LRRC4C: variants seen among roughly 807,000 people sequenced by gnomAD.
The protein encoded by LRRC4C is leucine rich repeat containing 4C.
In LRRC4C, 5 loss-of-function variants were observed where a neutral mutation model predicts 33.6. That is an observed-to-expected ratio of 0.15 (90% confidence interval 0.08 to 0.31). The LOEUF is 0.31. Among genes scored for constraint, LRRC4C ranks in the 10% least tolerant of loss-of-function variants. The probability of loss-of-function intolerance (pLI) is 1.00; values close to 1 mark genes in which losing one functional copy is unlikely to be tolerated. For synonymous variants in LRRC4C, 329 were observed against 302.0 expected (o/e 1.09, Z -0.93); for missense variants, 560 against 796.7 (o/e 0.70, Z 3.58).
chr11:40,637,451 CT>C (rs1941822878), intron 3 of LRRC4C, among the ~76,000 whole-genome samples: 1 of 152,160 alleles, frequency 6.6e-6, no homozygotes, highest in African/African-American at 2.4e-5. Context: ...CTTGTTCAAA[CT>C]TTTAATTATC....
intron 2 of LRRC4C, among the ~76,000 whole-genome samples, chr11:40,832,618 C>T (rs1379287581): frequency 3.3e-5 from 5 of 151,978 alleles, no homozygotes; most frequent in Admixed American, 1.3e-4. Context: ...AAATAAAAGC[C>T]GCGGTGGGAA....
At chr11:40,292,998 C>T (rs1242405042) in intron 4 of LRRC4C, 2 of 152,082 alleles carry the variant, frequency 1.3e-5, no homozygotes, top group Non-Finnish European at 2.9e-5. Context: ...GCAACTTCCC[C>T]CCCACTCTCC....
chr11:40,881,823 C>T (rs1420008294), intron 2 of LRRC4C, among the ~76,000 whole-genome samples: 1 of 151,880 alleles, frequency 6.6e-6, no homozygotes, highest in Non-Finnish European at 1.5e-5. Flanking sequence ...TATCTCTATC[C>T]AAATTATATA....
At chr11:40,506,555 T>C (rs1032302917) in intron 3 of LRRC4C, among the ~76,000 whole-genome samples, 9 of 152,100 alleles carry the variant, frequency 5.9e-5, no homozygotes, top group African/African-American at 2.2e-4. Flanking sequence ...AGCGGGAACA[T>C]GGCCAAAGGA....
intron 3 of LRRC4C, among the ~76,000 whole-genome samples, chr11:40,324,044 T>C (rs1331482652): frequency 6.6e-6 from 1 of 152,166 alleles, no homozygotes; most frequent in Non-Finnish European, 1.5e-5. Context: ...GAATGATTAG[T>C]GTGAGAGGTG....
At chr11:40,463,052 T>C (rs1173979068) in intron 3 of LRRC4C, among the ~76,000 whole-genome samples, 1 of 152,086 alleles carries the variant, frequency 6.6e-6, no homozygotes, top group African/African-American at 2.4e-5. Context: ...TTCAATTAGC[T>C]CTGTGCCTGT....
chr11:40,835,612 T>A (rs796909240), intron 2 of LRRC4C, among the ~76,000 whole-genome samples: 37 of 152,302 alleles, frequency 2.4e-4, no homozygotes, highest in African/African-American at 8.4e-4. Context: ...ATATTATTGA[T>A]GTACTTTATC....
chr11:41,372,830 T>C (rs927870011), intron 1 of LRRC4C, among the ~76,000 whole-genome samples: 1 of 149,864 alleles, frequency 6.7e-6, no homozygotes, highest in Admixed American at 6.7e-5. Context: ...TATTTACAAA[T>C]CTAATATATT....
At chr11:40,170,265 T>C (rs1018648147) in intron 5 of LRRC4C, among the ~76,000 whole-genome samples, 1 of 152,240 alleles carries the variant, frequency 6.6e-6, no homozygotes, top group Non-Finnish European at 1.5e-5. Context: ...CCTGCTTTGT[T>C]CTAGTGTAGT....
intron 5 of LRRC4C, among the ~76,000 whole-genome samples, chr11:40,192,817 A>C (rs960437698): frequency 1.3e-5 from 2 of 152,282 alleles, no homozygotes; most frequent in South Asian, 4.1e-4. Flanking sequence ...CTCCCCTCAC[A>C]GTGTAAACAA....
At chr11:40,589,796 A>G (rs1194433914) in intron 3 of LRRC4C, among the ~76,000 whole-genome samples, 2 of 149,600 alleles carry the variant, frequency 1.3e-5, no homozygotes, top group Admixed American at 1.3e-4. Context: ...AAGAATGTTG[A>G]ATATTGGCCC....
At chr11:40,425,912 G>A (rs1022716795) in intron 3 of LRRC4C, among the ~76,000 whole-genome samples, 7 of 151,614 alleles carry the variant, frequency 4.6e-5, no homozygotes, top group African/African-American at 4.9e-5. Flanking sequence ...ACTTCCACTT[G>A]TTTATTCACT....
chr11:41,242,516 A>C (rs1948293812), intron 1 of LRRC4C, among the ~76,000 whole-genome samples: 3 of 152,128 alleles, frequency 2.0e-5, no homozygotes, highest in Admixed American at 2.0e-4. Flanking sequence ...TCTTTTAAGA[A>C]CTCAGATATC....
intron 2 of LRRC4C, among the ~76,000 whole-genome samples, chr11:40,715,935 G>T (rs12798098): frequency 4.9e-4 from 75 of 152,074 alleles, no homozygotes; most frequent in African/African-American, 8.7e-4. Flanking sequence ...TGAGGTAGGA[G>T]AATTACTTGA....
intron 2 of LRRC4C, among the ~76,000 whole-genome samples, chr11:40,697,374 G>C (rs1006692542): frequency 6.6e-6 from 1 of 151,926 alleles, no homozygotes; most frequent in Non-Finnish European, 1.5e-5. Context: ...CTATTTTAAG[G>C]ATCCAAAAAA....
At chr11:41,163,622 T>A (rs946741569) in intron 1 of LRRC4C, among the ~76,000 whole-genome samples, 1 of 151,384 alleles carries the variant, frequency 6.6e-6, no homozygotes, top group African/African-American at 2.4e-5. Context: ...ACTGTTTTTT[T>A]TTTGTTTGAA....
At chr11:40,633,417 C>T (rs1239443990) in intron 3 of LRRC4C, among the ~76,000 whole-genome samples, 1 of 126,890 alleles carries the variant, frequency 7.9e-6, no homozygotes, top group African/African-American at 2.9e-5. Context: ...TTGACAGAGT[C>T]TCACTCTATC....
In LRRC4C at chr11:40,502,888, T is replaced by C. The variant is rs531901347; in HGVS notation, c.-270+145254A>G. ...TTTTGTAATGTAAGATGTTCTCTTA[T>C]GAGGCAAAAGTGTCACTTGAAGCAT... On this transcript the variant is annotated intron_variant, in intron 3 of 6. Transcript: ENST00000528697. Among the ~76,000 whole-genome samples, 4 of 152,354 alleles carry C rather than the reference T, an allele frequency of 2.6e-5. No homozygotes were observed. The South Asian group carries it at 6.2e-4, about 24-fold the overall frequency.
intron 1 of LRRC4C, among the ~76,000 whole-genome samples, chr11:41,171,025 A>G (rs1448064427): frequency 2.4e-4 from 36 of 152,284 alleles, no homozygotes; most frequent in Non-Finnish European, 4.7e-4. Flanking sequence ...ACTGGCCATC[A>G]GAGAAATGCA....
Sources: gnomAD v4.1 joint callset for allele counts (sites outside exome capture counted in the v4.1 genomes callset) on GRCh38, gnomAD v4.1.1 for gene constraint, MANE v1.5 for transcripts, NCBI Gene and HGNC (gene_info 2026-07-23, HGNC 2026-07-21) for gene names.